The following CSMD1 variants were observed in gnomAD, a reference collection of about 807,000 sequenced individuals.
CSMD1 encodes CUB and sushi domain-containing protein 1.
Under a neutral mutation model 417.5 loss-of-function variants are expected in CSMD1, and 213 were observed. That is an observed-to-expected ratio of 0.51 (90% CI 0.46 to 0.57). CSMD1 has a LOEUF of 0.57. Among genes scored for constraint, CSMD1 ranks in the 20% least tolerant of loss-of-function variants. The probability of loss-of-function intolerance (pLI) is 0.00; values close to 1 mark genes in which losing one functional copy is unlikely to be tolerated. For missense variants in CSMD1, 6,923 were observed against 4,529.7 expected (o/e 1.53, Z -15.17); for synonymous variants, 2,862 against 1,736.8 (o/e 1.65, Z -16.11).
In CSMD1 at chr8:4,087,630, C is replaced by G. The variant is rs765257214; in HGVS notation, c.416-55531G>C. Among the ~76,000 whole-genome samples the G allele has an allele frequency of 8.5e-5, 13 of 152,074 alleles. 1 individual carries two copies. Among genetic ancestry groups the G allele is most frequent in the Admixed American group, 2.6e-4 (4 of 15,262 alleles). ...CTCTCATTCCCAAATCTTTCTTCTTCGATACTCTCACATTCTTACTCTTTC... is the reference window on the plus strand; with the variant it reads ...CTCTCATTCCCAAATCTTTCTTCTTGGATACTCTCACATTCTTACTCTTTC... On this transcript the variant is annotated intron_variant, in intron 3 of 69. Transcript: ENST00000635120.
rs79429143 is a variant in CSMD1 at position 3,757,524 on chromosome 8, G to A, written c.819-3482C>T. 4.3e-3 allele frequency among the ~76,000 whole-genome samples: 653 copies of A among 152,296 alleles called. 5 individuals carry two copies. The highest frequency in any genetic ancestry group is 0.015 in the African/African-American group (614 of 41,560). On this transcript the variant is annotated intron_variant, in intron 5 of 69. Coordinates refer to ENST00000635120, the MANE Select transcript of CSMD1 (RefSeq NM_033225.6). ...TTAGCTGATGGGCCAGATTTGGCCT[G>A]CAGGTACTAGTTTGCTGACCCCTGC...
chr8:4,672,116 C>T (rs527773295), intron 1 of CSMD1, among the ~76,000 whole-genome samples: 1 of 152,330 alleles, frequency 6.6e-6, no homozygotes, highest in South Asian at 2.1e-4. Context: ...GACCTGGTCA[C>T]TGATCTTCCC....
At chr8:4,327,046 A>G (rs1179421789) in intron 3 of CSMD1, among the ~76,000 whole-genome samples, 2 of 152,344 alleles carry the variant, frequency 1.3e-5, no homozygotes, top group South Asian at 2.1e-4. Context: ...TATGGATTCC[A>G]ACTCAGAAGA....
At chr8:4,070,039 G>T (rs1799463856) in intron 3 of CSMD1, among the ~76,000 whole-genome samples, 2 of 151,318 alleles carry the variant, frequency 1.3e-5, no homozygotes, top group Admixed American at 1.3e-4. Context: ...TTAACTTATT[G>T]GTGTTTTAAC....
At position 3,833,358 on chromosome 8, in the gene CSMD1, C is replaced by T. The variant is rs147260131; in HGVS notation, c.819-79316G>A. On this transcript the variant is annotated intron_variant, in intron 5 of 69. Coordinates refer to ENST00000635120, the MANE Select transcript of CSMD1 (RefSeq NM_033225.6). The stretch of plus-strand genomic sequence containing the variant: ...AGCCTCTGGGCCATTTTATATACAA[C>T]GGCATTTCCTCACCTCCTAAAATAA... Among the ~76,000 whole-genome samples the T allele has an allele frequency of 8.6e-3, 1,303 of 152,178 alleles. 17 individuals carry two copies. The highest frequency in any genetic ancestry group is 0.028 in the African/African-American group (1,172 of 41,546).
chr8:3,466,205 C>G (rs964201057), intron 12 of CSMD1, among the ~76,000 whole-genome samples: 13 of 146,150 alleles, frequency 8.9e-5, no homozygotes, highest in African/African-American at 3.3e-4. Flanking sequence ...ATTACTAGGA[C>G]TTTTTTTTTT....
chr8:3,508,807 C>T (rs1796943196), intron 10 of CSMD1, among the ~76,000 whole-genome samples: 1 of 152,268 alleles, frequency 6.6e-6, no homozygotes, highest in Admixed American at 6.5e-5. Flanking sequence ...CTACGCTTTT[C>T]CCATTATGGA....
intron 5 of CSMD1, among the ~76,000 whole-genome samples, chr8:3,956,302 T>C (rs761210219): frequency 1.3e-5 from 2 of 152,210 alleles, no homozygotes; most frequent in Non-Finnish European, 2.9e-5. Flanking sequence ...AAAACTGTTA[T>C]TATCCCCATC....
At chr8:4,056,300 C>T (rs1464148260) in intron 3 of CSMD1, among the ~76,000 whole-genome samples, 5 of 151,666 alleles carry the variant, frequency 3.3e-5, no homozygotes, top group Non-Finnish European at 7.4e-5. Flanking sequence ...CCTGGCTCGT[C>T]TCAAACTCCT....
At chr8:4,231,792 G>C (rs1801750233) in intron 3 of CSMD1, among the ~76,000 whole-genome samples, 1 of 152,110 alleles carries the variant, frequency 6.6e-6, no homozygotes, top group African/African-American at 2.4e-5. Context: ...CCCATACTCA[G>C]GGTTCTACCT....
chr8:3,670,297 C>A (rs138173197), intron 7 of CSMD1, among the ~76,000 whole-genome samples: 1,850 of 151,988 alleles, frequency 0.012, 40 homozygotes, highest in African/African-American at 0.042. Context: ...TTCTCCTGTG[C>A]CGGATGCTTC....
intron 2 of CSMD1, among the ~76,000 whole-genome samples, chr8:4,443,802 G>A (rs564218500): frequency 1.2e-4 from 19 of 152,150 alleles, no homozygotes; most frequent in Admixed American, 6.5e-5. Flanking sequence ...GTCATGTCCA[G>A]AAAATCCCTT....
At chr8:4,087,931 T>G (rs1165124394) in intron 3 of CSMD1, among the ~76,000 whole-genome samples, 1 of 152,146 alleles carries the variant, frequency 6.6e-6, no homozygotes, top group Admixed American at 6.5e-5. Context: ...AAATTTCCCC[T>G]TGTGACCAAA....
chr8:4,846,279 TTA>T (rs1801140975), intron 1 of CSMD1, among the ~76,000 whole-genome samples: 1 of 152,246 alleles, frequency 6.6e-6, no homozygotes, highest in South Asian at 2.1e-4. Context: ...AGTAAGATCT[TTA>T]ACTTGTTATT....
intron 54 of CSMD1, among the ~76,000 whole-genome samples, chr8:2,989,486 G>C (rs907639428): frequency 6.6e-6 from 1 of 152,128 alleles, no homozygotes; most frequent in Non-Finnish European, 1.5e-5. Context: ...TGCTTCATCA[G>C]ATATATTTGA....
intron 5 of CSMD1, among the ~76,000 whole-genome samples, chr8:3,766,272 C>T (rs567504469): frequency 1.3e-5 from 2 of 152,284 alleles, no homozygotes; most frequent in South Asian, 2.1e-4. Context: ...TCCTCACAGG[C>T]CTTTCAATGT....
intron 3 of CSMD1, among the ~76,000 whole-genome samples, chr8:4,399,080 G>A (rs1226099272): frequency 3.3e-5 from 5 of 152,170 alleles, no homozygotes; most frequent in Admixed American, 3.3e-4. Flanking sequence ...ACTAGCTGGT[G>A]ACTTTTAGCC....
intron 2 of CSMD1, among the ~76,000 whole-genome samples, chr8:4,596,814 A>G (rs1165098122): frequency 6.6e-6 from 1 of 152,188 alleles, no homozygotes; most frequent in Non-Finnish European, 1.5e-5. Flanking sequence ...GAATACCCAC[A>G]TATTGTGGGA....
At chr8:3,305,772 TG>T (rs1804789025) in intron 25 of CSMD1, among the ~76,000 whole-genome samples, 1 of 152,180 alleles carries the variant, frequency 6.6e-6, no homozygotes. Context: ...CTCCACCTCC[TG>T]GGTTCACACC....
Sources: allele counts gnomAD v4.1 joint callset (sites outside exome capture counted in the v4.1 genomes callset), GRCh38; gene constraint gnomAD v4.1.1; transcripts MANE v1.5; gene names NCBI Gene and HGNC (gene_info 2026-07-23, HGNC 2026-07-21).